The following ZNF500 variants were observed in gnomAD, a reference collection of about 807,000 sequenced individuals.
ZNF500 encodes zinc finger protein 500.
Under a neutral mutation model 30.1 loss-of-function variants are expected in ZNF500, and 31 were observed. The ratio of observed to expected loss-of-function variants is 1.03; its 90% CI spans 0.77 to 1.39. The LOEUF (loss-of-function observed/expected upper bound fraction) is 1.39. Among genes scored for constraint, ZNF500 ranks in the 40% most tolerant of loss-of-function variants. ZNF500 has a pLI of 0.00. For missense variants in ZNF500, 817 were observed against 657.8 expected (o/e 1.24, Z -2.65); for synonymous variants, 392 against 282.0 (o/e 1.39, Z -3.91).
downstream of ZNF500, chr16:4,747,267 TCTC>T: frequency 2.0e-6 from 3 of 1,475,766 alleles, no homozygotes; most frequent in Non-Finnish European, 9.1e-7. Flanking sequence ...CATCTGCTTT[TCTC>T]CTGTTTCAGT....
At chr16:4,766,854 G>C (rs1307441001) in intron 1 of ZNF500, 163 bp downstream of exon 1, 5 of 152,302 alleles carry the variant, frequency 3.3e-5, no homozygotes, top group Non-Finnish European at 7.3e-5. Flanking sequence ...CAATTCCAGG[G>C]TCCTGGGAGA....
In ZNF500 at chr16:4,765,546, T is replaced by C; in HGVS notation, c.414+19A>G. 2 of 1,563,246 alleles carry C rather than the reference T, an allele frequency of 1.3e-6. No homozygotes were observed. Among genetic ancestry groups the C allele is most frequent in the Non-Finnish European group, 8.7e-7 (1 of 1,153,270 alleles). On this transcript the variant is annotated intron_variant, in intron 2 of 5. Transcript: ENST00000219478. ...AGGGCCCCATTTCCTCACCTGAGGG[T>C]CAAAATGCCCCCACTCACCCGCTGC...
intron 2 of ZNF500, chr16:4,763,099 A>AT: frequency 4.1e-6 from 4 of 985,382 alleles, no homozygotes; most frequent in Non-Finnish European, 4.8e-6. Flanking sequence ...CATTTGCTAG[A>AT]TTTTTTGAAA....
rs2082071262 is a variant in ZNF500, at chr16:4,750,954, G to C, written c.*1422C>G. 6.6e-6 allele frequency: 1 copy of C among 152,238 alleles called. No individual in the cohort carries two copies. Among genetic ancestry groups the C allele is most frequent in the South Asian group, 2.1e-4 (1 of 4,826 alleles). 9.4% of individuals were successfully genotyped at this position (152,238 alleles called of 1,614,324 possible). The stretch of plus-strand genomic sequence containing the variant: ...CGGCCTCTGACACTAAATAATGTCA[G>C]TTAAGGGAATGAGAAAAAGGGCAGG... On this transcript the variant is annotated 3_prime_UTR_variant, in exon 6 of 6. Transcript: ENST00000219478.
intron 4 of ZNF500, 86 bp from the exon 5 acceptor site, chr16:4,760,674 C>T (rs1005260513): frequency 8.2e-7 from 1 of 1,222,746 alleles, no homozygotes; most frequent in Non-Finnish European, 1.2e-6. Flanking sequence ...AGCTGCACCG[C>T]CACTGCCCCT....
At chr16:4,757,987 C>T (rs1167850857) in intron 5 of ZNF500, among the ~76,000 whole-genome samples, 9 of 151,364 alleles carry the variant, frequency 5.9e-5, no homozygotes, top group African/African-American at 1.7e-4. Context: ...CTGCAATCTC[C>T]GCCTCCTGGG....
chr16:4,764,032 G>A, intron 2 of ZNF500: 1 of 985,422 alleles, frequency 1.0e-6, no homozygotes, highest in Non-Finnish European at 1.2e-6. Context: ...TTCCACAACT[G>A]AAACTGAAGC....
In ZNF500 at chr16:4,752,165, G is replaced by C. The variant is rs1444540995; in HGVS notation, c.*211C>G. On this transcript the variant is annotated 3_prime_UTR_variant, in exon 6 of 6. Transcript: ENST00000219478. ...TGTGTCACCTGTTCTGGCTGCCACT[G>C]GACACTCAGAGCCTGTCCTTGCCCT... 2.9e-6 allele frequency: 4 copies of C among 1,385,724 alleles called. No individual in the cohort carries two copies. Among genetic ancestry groups the C allele is most frequent in the African/African-American group, 1.5e-5 (1 of 68,804 alleles). 85.8% of individuals were successfully genotyped at this position (1,385,724 alleles called of 1,614,324 possible). A position where few individuals can be genotyped will look rare whatever the true frequency, so the allele number is the denominator to read the frequency against.
At position 4,765,956 on chromosome 16, in the gene ZNF500, T is replaced by C. The variant is rs1330836530; in HGVS notation, c.23A>G (p.Gln8Arg). Residue 8 changes from glutamine (Q) to arginine (R), a missense_variant, in exon 2 of 6, where the codon CAG becomes CGG. By Grantham distance (43) the Gln-to-Arg change is conservative (BLOSUM62 1). Coordinates refer to ENST00000219478, the MANE Select transcript of ZNF500 (RefSeq NM_021646.4). MATVPGLQPLPTLEQDLE... is the reference protein window; with the variant it reads MATVPGLRPLPTLEQDLE... ...GTCCTGCTCCAAGGTTGGCAGGGGC[T>C]GGAGGCCAGGGACAGTGGCCATTGC... The C allele has an allele frequency of 6.3e-7, 1 of 1,583,546 alleles. No homozygotes were observed. Among genetic ancestry groups the C allele is most frequent in the African/African-American group, 1.4e-5 (1 of 74,036 alleles).
intron 1 of ZNF500, among the ~76,000 whole-genome samples, chr16:4,766,423 C>A (rs1309344882): frequency 6.6e-6 from 1 of 152,140 alleles, no homozygotes; most frequent in South Asian, 2.1e-4. Context: ...CAGGAGTTGA[C>A]CACCTGGTCA....
rs201055431 is a variant in ZNF500 at position 4,752,869 on chromosome 16, G to A, written c.950C>T (p.Ala317Val). 1.2e-6 allele frequency: 2 copies of A among 1,614,098 alleles called. No homozygotes were observed. Among genetic ancestry groups the A allele is most frequent in the East Asian group, 2.2e-5 (1 of 44,882 alleles). The change falls in exon 6 of 6, where the codon GCT (alanine) becomes GTT (valine). Residue 317 changes from alanine to valine, a missense_variant. Ala to Val is a moderately conservative substitution (Grantham distance 64). Transcript: ENST00000219478. ...PRGGPPPGRR[A>V]SHGADKPYTC... ...GTACGGCTTGTCAGCCCCATGGGAA[G>A]CCCGTCTTCCTGGTGGGGGGCCGCC...
At chr16:4,745,899 A>G (rs2082009334), downstream of ZNF500, among the ~76,000 whole-genome samples, 1 of 149,278 alleles carries the variant, frequency 6.7e-6, no homozygotes, top group African/African-American at 2.5e-5. Context: ...GGTTGCAGTG[A>G]CCAAGATCAT....
At chr16:4,763,271 C>T (rs1256368399) in intron 2 of ZNF500, 5 of 321,820 alleles carry the variant, frequency 1.6e-5, no homozygotes, top group Non-Finnish European at 2.2e-5. Context: ...GGTGGCAGCA[C>T]GCTTGTAATC....
In ZNF500 at chr16:4,765,557, C is replaced by T. The variant is rs373673899; in HGVS notation, c.414+8G>A. 69 of 1,574,716 alleles carry T rather than the reference C, an allele frequency of 4.4e-5. No homozygotes were observed. Among genetic ancestry groups the T allele is most frequent in the Admixed American group, 1.1e-4 (6 of 55,740 alleles). ...TCCTCACCTGAGGGTCAAAATGCCC[C>T]CACTCACCCGCTGCCTGTGTTTCCT... On this transcript the variant is annotated splice_region_variant and intron_variant, in intron 2 of 5. Coordinates refer to ENST00000219478, the MANE Select transcript of ZNF500 (RefSeq NM_021646.4).
Position 4,752,349 on chromosome 16 carries a change from C to CT in ZNF500, c.*26dup. ...AATTCTGTGCCCAGGGATGAGAGTC[C>CT]TGGAAAGGGAGTTTCAGGCCTGGTG... On this transcript the variant is annotated 3_prime_UTR_variant, in exon 6 of 6. Coordinates refer to ENST00000219478, the MANE Select transcript of ZNF500 (RefSeq NM_021646.4). The CT allele has an allele frequency of 6.9e-7, 1 of 1,459,600 alleles. No individual in the cohort carries two copies. The highest frequency in any genetic ancestry group is 2.5e-5 in the East Asian group (1 of 40,170). 90.4% of individuals were successfully genotyped at this position (1,459,600 alleles called of 1,614,324 possible). A position where few individuals can be genotyped will look rare whatever the true frequency, so the allele number is the denominator to read the frequency against.
At chr16:4,744,806 A>G, downstream of ZNF500, 1 of 1,545,438 alleles carries the variant, frequency 6.5e-7, no homozygotes, top group Non-Finnish European at 8.8e-7. Context: ...CTGAGGCTCC[A>G]GCTGCTGTAA....
At chr16:4,763,642 A>G (rs971724932) in intron 2 of ZNF500, 16 of 985,314 alleles carry the variant, frequency 1.6e-5, no homozygotes, top group Non-Finnish European at 1.9e-5. Context: ...TGGGGAGCAC[A>G]GCCTGCCCCT....
chr16:4,763,405 GAA>G (rs997700753), intron 2 of ZNF500, among the ~76,000 whole-genome samples: 1 of 97,500 alleles, frequency 1.0e-5, no homozygotes, highest in Admixed American at 1.1e-4. Context: ...TCTCAGGGAA[GAA>G]AAAAAAAAAA....
chr16:4,745,032 C>T (rs756812146), downstream of ZNF500: 30 of 1,608,608 alleles, frequency 1.9e-5, no homozygotes, highest in South Asian at 3.3e-5. Flanking sequence ...TAGCCAGGCC[C>T]GGCTCCTGTG....
Sources: allele counts gnomAD v4.1 joint callset (sites outside exome capture counted in the v4.1 genomes callset), GRCh38; gene constraint gnomAD v4.1.1; transcripts MANE v1.5; gene names NCBI Gene and HGNC (gene_info 2026-07-23, HGNC 2026-07-21).